CDC42SE2: variants seen among roughly 807,000 people sequenced by gnomAD.
The protein encoded by CDC42SE2 is CDC42 small effector protein 2.
Under a neutral mutation model 11.5 loss-of-function variants are expected in CDC42SE2, and 3 were observed. The ratio of observed to expected loss-of-function variants is 0.26; its 90% CI spans 0.12 to 0.67. CDC42SE2 has a LOEUF of 0.67. Among genes scored for constraint, CDC42SE2 ranks in the 30% least tolerant of loss-of-function variants. The probability of loss-of-function intolerance (pLI) is 0.80; values close to 1 mark genes in which losing one functional copy is unlikely to be tolerated. For synonymous variants in CDC42SE2, 33 were observed against 34.8 expected, an observed-to-expected ratio of 0.95 and a Z score of 0.18; for missense variants, 82 against 106.8, an observed-to-expected ratio of 0.77 and a Z score of 1.02.
the CDC42SE2 span, among the ~76,000 whole-genome samples, chr5:131,218,308 A>G: frequency 6.6e-6 from 1 of 152,210 alleles, no homozygotes; most frequent in Admixed American, 6.5e-5. Flanking sequence ...AATGATATTA[A>G]TCATCATGAG....
intron 1 of CDC42SE2, among the ~76,000 whole-genome samples, chr5:131,249,332 G>C (rs1211093873): frequency 2.0e-5 from 3 of 152,092 alleles, no homozygotes; most frequent in Non-Finnish European, 4.4e-5. Flanking sequence ...TATTTCTAAA[G>C]AAGTATCAGG....
chr5:131,318,867 C>A (rs774026075), intron 2 of CDC42SE2, among the ~76,000 whole-genome samples: 10 of 152,140 alleles, frequency 6.6e-5, no homozygotes, highest in Non-Finnish European at 1.3e-4. Flanking sequence ...ATGCCTCTGA[C>A]ACAGATGTGC....
At chr5:131,306,854 T>A (rs1757788520) in intron 1 of CDC42SE2, among the ~76,000 whole-genome samples, 1 of 152,166 alleles carries the variant, frequency 6.6e-6, no homozygotes. Flanking sequence ...TGGAGGCTAT[T>A]GTGAATAGAA....
In CDC42SE2 at chr5:131,391,681, C is replaced by G. The variant is rs1475463161; in HGVS notation, c.*590C>G. On this transcript the variant is annotated 3_prime_UTR_variant, in exon 5 of 5. Transcript: ENST00000505065. ...AGCAAGACCCTGTCTCAAAAAAGTA[C>G]TGATACTAAAGATAATCTCTTGGGT... is the stretch of plus-strand genomic sequence containing the variant. 6.6e-6 allele frequency: 1 copy of G among 152,148 alleles called. No homozygotes were observed. The allele number at this position is 152,148 out of a possible 1,614,324, so 9.4% of individuals were successfully genotyped here.
At chr5:131,319,545 T>G (rs1280708126) in intron 2 of CDC42SE2, among the ~76,000 whole-genome samples, 1 of 152,158 alleles carries the variant, frequency 6.6e-6, no homozygotes, top group Non-Finnish European at 1.5e-5. Context: ...TGCAGTATTG[T>G]TTCTCAAAAA....
At chr5:131,339,649 A>G (rs1758661955) in intron 2 of CDC42SE2, among the ~76,000 whole-genome samples, 1 of 152,004 alleles carries the variant, frequency 6.6e-6, no homozygotes, top group Admixed American at 6.6e-5. Flanking sequence ...TCTACTAAAA[A>G]TACAAAAATT....
Position 131,388,440 on chromosome 5 carries a change from G to A in CDC42SE2, c.157-2553G>A, listed in dbSNP as rs183283244. ...CTGTTTATTCAAATAAAAGAACTGA[G>A]CAGCTAGTATTAGGAATGTGGCTTG... On this transcript the variant is annotated intron_variant, in intron 4 of 4. Transcript: ENST00000505065. Among the ~76,000 whole-genome samples, 32 of 152,306 alleles carry A rather than the reference G, an allele frequency of 2.1e-4. No individual in the cohort carries two copies. The East Asian group carries it at 4.4e-3, about 21-fold the overall frequency.
intron 1 of CDC42SE2, among the ~76,000 whole-genome samples, chr5:131,281,426 C>T (rs1757236503): frequency 6.6e-6 from 1 of 152,136 alleles, no homozygotes; most frequent in Non-Finnish European, 1.5e-5. Context: ...TGTTTTTTAT[C>T]TACATTACAT....
chr5:131,215,188 G>C, the CDC42SE2 span, among the ~76,000 whole-genome samples: 1 of 152,194 alleles, frequency 6.6e-6, no homozygotes, highest in African/African-American at 2.4e-5. Flanking sequence ...CTGAATTCTA[G>C]TCACAGCTGT....
At chr5:131,276,816 C>G (rs565799006) in intron 1 of CDC42SE2, among the ~76,000 whole-genome samples, 1 of 151,514 alleles carries the variant, frequency 6.6e-6, no homozygotes, top group African/African-American at 2.4e-5. Flanking sequence ...CAATCTCTGC[C>G]TCCTGGCTTC....
chr5:131,333,329 C>A (rs923687439), intron 2 of CDC42SE2, among the ~76,000 whole-genome samples: 4 of 152,226 alleles, frequency 2.6e-5, no homozygotes, highest in African/African-American at 9.6e-5. Flanking sequence ...TGGTCTATAT[C>A]TCTGTTTTGG....
the CDC42SE2 span, among the ~76,000 whole-genome samples, chr5:131,230,798 G>C: frequency 6.6e-6 from 1 of 152,220 alleles, no homozygotes; most frequent in Non-Finnish European, 1.5e-5. Context: ...GGGGTTTATC[G>C]TTTGTTTACG....
At chr5:131,235,304 T>C in the CDC42SE2 span, among the ~76,000 whole-genome samples, 113 of 151,744 alleles carry the variant, frequency 7.4e-4, no homozygotes, top group African/African-American at 2.5e-3. Flanking sequence ...TTTTTTTTTT[T>C]TTTTGAGATA....
intron 1 of CDC42SE2, among the ~76,000 whole-genome samples, chr5:131,314,563 G>A (rs1251802349): frequency 6.6e-6 from 1 of 152,082 alleles, no homozygotes; most frequent in Admixed American, 6.5e-5. Context: ...TTGTACAAGT[G>A]TTCTATAGAA....
intron 2 of CDC42SE2, among the ~76,000 whole-genome samples, chr5:131,355,310 CTATAA>C (rs982443103): frequency 1.3e-5 from 2 of 151,922 alleles, no homozygotes; most frequent in African/African-American, 4.8e-5. Context: ...GACCCTGTCT[CTATAA>C]AAAGTTCAAA....
At chr5:131,237,146 C>T in the CDC42SE2 span, among the ~76,000 whole-genome samples, 1 of 152,152 alleles carries the variant, frequency 6.6e-6, no homozygotes, top group Non-Finnish European at 1.5e-5. Flanking sequence ...ATTTAAAAAT[C>T]CTTTGATCAT....
chr5:131,329,773 G>C (rs572630246), intron 2 of CDC42SE2, among the ~76,000 whole-genome samples: 66 of 150,820 alleles, frequency 4.4e-4, no homozygotes, highest in Non-Finnish European at 7.7e-4. Context: ...CAGCTACTTG[G>C]GAGGCTGAGG....
chr5:131,271,497 G>A (rs754327008), intron 1 of CDC42SE2, among the ~76,000 whole-genome samples: 3 of 152,172 alleles, frequency 2.0e-5, no homozygotes, highest in Non-Finnish European at 2.9e-5. Context: ...AAAGTATACA[G>A]GTGGATGTGC....
At chr5:131,334,854 CTT>C (rs905997205) in intron 2 of CDC42SE2, among the ~76,000 whole-genome samples, 2 of 152,136 alleles carry the variant, frequency 1.3e-5, no homozygotes, top group Non-Finnish European at 2.9e-5. Context: ...ATTCTTCTCT[CTT>C]TTCTTCTTTA....
Sources: allele counts gnomAD v4.1 joint callset (sites outside exome capture counted in the v4.1 genomes callset), GRCh38; gene constraint gnomAD v4.1.1; transcripts MANE v1.5; gene names NCBI Gene and HGNC (gene_info 2026-07-23, HGNC 2026-07-21).